The following STRN variants were observed in gnomAD, a reference collection of about 807,000 sequenced individuals.
STRN encodes striatin.
A neutral mutation model predicts 96.3 loss-of-function variants in STRN; 53 were observed. The ratio of observed to expected loss-of-function variants is 0.55; its 90% confidence interval spans 0.44 to 0.69. The LOEUF (loss-of-function observed/expected upper bound fraction) is 0.69, where lower values mean the gene tolerates loss of function less well. Ranked by LOEUF, STRN falls within the 30% of genes least tolerant of loss-of-function variation. The pLI is 0.00. For synonymous variants in STRN, 428 were observed against 355.9 expected, an observed-to-expected ratio of 1.20 and a Z score of -2.28; for missense variants, 987 against 963.9, an observed-to-expected ratio of 1.02 and a Z score of -0.32.
chr2:36,942,482 C>T (rs1373129390), intron 1 of STRN, among the ~76,000 whole-genome samples: 1 of 152,046 alleles, frequency 6.6e-6, no homozygotes, highest in African/African-American at 2.4e-5. Context: ...TTCCCTATTA[C>T]AAAATCATTT....
chr2:36,855,106 C>A, intron 15 of STRN, 106 bp downstream of exon 15: 1 of 1,203,544 alleles, frequency 8.3e-7, no homozygotes, highest in Non-Finnish European at 1.2e-6. Flanking sequence ...AGTTAAGAGA[C>A]AGAAAGCTTT....
intron 2 of STRN, among the ~76,000 whole-genome samples, chr2:36,919,967 T>C (rs1473622014): frequency 6.6e-6 from 1 of 152,216 alleles, no homozygotes; most frequent in Non-Finnish European, 1.5e-5. Flanking sequence ...TTCTGTAATA[T>C]TAATAATTCG....
intron 4 of STRN, 108 bp from the exon 5 acceptor site, chr2:36,902,859 C>T (rs1310014337): frequency 1.1e-6 from 1 of 873,952 alleles, no homozygotes; most frequent in Non-Finnish European, 1.7e-6. Flanking sequence ...TAAGACTTAA[C>T]AGTACAGTAC....
rs140119532 is a variant in STRN, at chr2:36,852,151, T to C, written c.1979-1044A>G. ...CATGCAGATCACACAACTGTCAAAA[T>C]TGGTTCCTAAATGATCACACATTCT... is the stretch of plus-strand genomic sequence containing the variant. On this transcript the variant is annotated intron_variant, in intron 15 of 17. Transcript: ENST00000263918. Among the ~76,000 whole-genome samples the C allele has an allele frequency of 1.9e-3, 297 of 152,326 alleles. 2 individuals are homozygous for C. The highest frequency in any genetic ancestry group is 6.9e-3 in the African/African-American group (288 of 41,558).
At chr2:36,935,804 A>C (rs1394290115) in intron 1 of STRN, among the ~76,000 whole-genome samples, 1 of 152,242 alleles carries the variant, frequency 6.6e-6, no homozygotes, top group Non-Finnish European at 1.5e-5. Flanking sequence ...ATGGAAAAAA[A>C]CAGGCAAGAA....
chr2:36,931,298 G>C (rs1325837493), intron 1 of STRN, among the ~76,000 whole-genome samples: 1 of 152,034 alleles, frequency 6.6e-6, no homozygotes, highest in Non-Finnish European at 1.5e-5. Context: ...ATATATTTCA[G>C]TTCAATCACA....
rs542547402 is a variant in STRN, at chr2:36,905,458, C to T, written c.491+82G>A. ...TGTATGAGATAAAATATTCATCTGA[C>T]TTGAAAATACACAGTAAAAATAACT... On this transcript the variant is annotated intron_variant, in intron 4 of 17. Coordinates refer to ENST00000263918, the MANE Select transcript of STRN (RefSeq NM_003162.4). The T allele has an allele frequency of 4.8e-6, 6 of 1,255,566 alleles. No individual in the cohort carries two copies. The East Asian group carries it at 1.4e-4, about 29-fold the overall frequency. The allele number at this position is 1,255,566 out of a possible 1,614,324, so 77.8% of individuals were successfully genotyped here.
chr2:36,924,879 A>C (rs1445249525), intron 2 of STRN, among the ~76,000 whole-genome samples: 1 of 152,182 alleles, frequency 6.6e-6, no homozygotes, highest in African/African-American at 2.4e-5. Flanking sequence ...CAACATGGGG[A>C]AACCATGACT....
chr2:36,964,447 G>A (rs911808521), intron 1 of STRN, among the ~76,000 whole-genome samples: 7 of 152,078 alleles, frequency 4.6e-5, no homozygotes, highest in South Asian at 2.1e-4. Context: ...TATAGAATGC[G>A]CTGCTAATAA....
chr2:36,936,254 T>C (rs566772210), intron 1 of STRN, among the ~76,000 whole-genome samples: 2 of 152,298 alleles, frequency 1.3e-5, no homozygotes, highest in Admixed American at 1.3e-4. Flanking sequence ...TAGTGTGCTG[T>C]CCTTAGTATA....
intron 1 of STRN, among the ~76,000 whole-genome samples, chr2:36,935,150 A>C (rs1670671347): frequency 6.6e-6 from 1 of 152,170 alleles, no homozygotes; most frequent in Admixed American, 6.5e-5. Flanking sequence ...CAGATACTAC[A>C]CCTGAACATT....
intron 3 of STRN, among the ~76,000 whole-genome samples, chr2:36,906,463 CAATGAATGAATG>C (rs77063437): frequency 6.7e-6 from 1 of 149,754 alleles, no homozygotes; most frequent in South Asian, 2.1e-4. Context: ...TGTCTCAAAA[CAATGAATGAATG>C]AATGAATGAA....
In STRN at chr2:36,947,108, G is replaced by A. The variant is rs149389002; in HGVS notation, c.234+19122C>T. Among the ~76,000 whole-genome samples the A allele has an allele frequency of 6.3e-3, 957 of 152,172 alleles. 4 individuals are homozygous for A. Among genetic ancestry groups the A allele is most frequent in the Non-Finnish European group, 0.011 (729 of 67,994 alleles). On this transcript the variant is annotated intron_variant, in intron 1 of 17. Coordinates refer to ENST00000263918, the MANE Select transcript of STRN (RefSeq NM_003162.4). The stretch of plus-strand genomic sequence containing the variant: ...AGACAGGGTTTTACCATGTTAGCCA[G>A]GATGGTCTCCATCTCCTGAATTCAT...
At chr2:36,852,448 C>T (rs1197037126) in intron 15 of STRN, among the ~76,000 whole-genome samples, 1 of 152,124 alleles carries the variant, frequency 6.6e-6, no homozygotes, top group East Asian at 1.9e-4. Context: ...CATTGTAATA[C>T]ACTACATCAG....
At position 36,941,321 on chromosome 2, in the gene STRN, T is replaced by C. The variant is rs74417456; in HGVS notation, c.235-16113A>G. ...ACTATAAAGCTATGTGCAGACTCTA[T>C]GATCTGGTCATTGCGCCTTGGAAAA... On this transcript the variant is annotated intron_variant, in intron 1 of 17. Coordinates refer to ENST00000263918, the MANE Select transcript of STRN (RefSeq NM_003162.4). Among the ~76,000 whole-genome samples, 5 of 152,328 alleles carry C rather than the reference T, an allele frequency of 3.3e-5. No homozygotes were observed. In the East Asian group the frequency reaches 9.6e-4, roughly 29 times the overall value.
intron 1 of STRN, among the ~76,000 whole-genome samples, chr2:36,928,872 C>T (rs1670493424): frequency 6.7e-6 from 1 of 149,808 alleles, no homozygotes; most frequent in Non-Finnish European, 1.5e-5. Flanking sequence ...TGCTTGAACC[C>T]AGGAGGCAGA....
chr2:36,876,751 AT>A (rs70946956), intron 10 of STRN, among the ~76,000 whole-genome samples: 113,365 of 143,520 alleles, frequency 0.79, 45,353 homozygotes, highest in East Asian at 0.98. Context: ...AATTATAAAC[AT>A]TTTTTTTTTT....
chr2:36,852,027 T>C (rs1668234311), intron 15 of STRN, among the ~76,000 whole-genome samples: 1 of 152,194 alleles, frequency 6.6e-6, no homozygotes, highest in East Asian at 1.9e-4. Flanking sequence ...TATATTACAG[T>C]GAACACATCA....
chr2:36,877,565 TCA>T (rs1668946669), intron 10 of STRN, among the ~76,000 whole-genome samples: 1 of 152,268 alleles, frequency 6.6e-6, no homozygotes, highest in Non-Finnish European at 1.5e-5. Context: ...AGACGGAGTC[TCA>T]CTCTGTTGCA....
Sources: gnomAD v4.1 joint callset for allele counts (sites outside exome capture counted in the v4.1 genomes callset) on GRCh38, gnomAD v4.1.1 for gene constraint, MANE v1.5 for transcripts, NCBI Gene and HGNC (gene_info 2026-07-23, HGNC 2026-07-21) for gene names.